CSTPP1: variants seen among roughly 807,000 people sequenced by gnomAD.
The protein encoded by CSTPP1 is UPF0705 protein C11orf49.
At chr11:46,973,780 A>ATGTGTG in the CSTPP1 span, among the ~76,000 whole-genome samples, 75,046 of 150,580 alleles carry the variant, frequency 0.5, 22,348 homozygotes, top group Non-Finnish European at 0.66. Context: ...TGGAGGGTGT[A>ATGTGTG]TGTGTGTGTG....
chr11:47,129,229 C>T, the CSTPP1 span, among the ~76,000 whole-genome samples: 328 of 152,284 alleles, frequency 2.2e-3, no homozygotes, highest in African/African-American at 7.6e-3. Context: ...GTGGTAACAC[C>T]TGGTGGAGCT....
At chr11:47,113,903 T>C in the CSTPP1 span, among the ~76,000 whole-genome samples, 57 of 152,258 alleles carry the variant, frequency 3.7e-4, no homozygotes, top group African/African-American at 1.4e-3. Context: ...TTTGGTGTTT[T>C]AGTCATGAAG....
At chr11:47,006,240 A>C in the CSTPP1 span, among the ~76,000 whole-genome samples, 1 of 152,332 alleles carries the variant, frequency 6.6e-6, no homozygotes, top group African/African-American at 2.4e-5. Context: ...TCATTTTTGA[A>C]GGGCAGTTTT....
chr11:47,008,993 T>C, the CSTPP1 span, among the ~76,000 whole-genome samples: 1 of 151,342 alleles, frequency 6.6e-6, no homozygotes, highest in African/African-American at 2.4e-5. Flanking sequence ...ATCACACCAC[T>C]GCACTCCAGC....
the CSTPP1 span, among the ~76,000 whole-genome samples, chr11:47,097,062 C>A: frequency 4.0e-5 from 6 of 148,302 alleles, no homozygotes; most frequent in South Asian, 2.2e-4. Flanking sequence ...GGGGGTCAGC[C>A]CCCCCACCCG....
chr11:47,132,890 C>G, the CSTPP1 span, among the ~76,000 whole-genome samples: 1 of 152,202 alleles, frequency 6.6e-6, no homozygotes, highest in African/African-American at 2.4e-5. Context: ...TAGCTGTTTC[C>G]TTGAGAAAAT....
the CSTPP1 span, among the ~76,000 whole-genome samples, chr11:47,152,662 G>C: frequency 3.3e-5 from 5 of 152,216 alleles, no homozygotes; most frequent in Non-Finnish European, 7.3e-5. Context: ...GCGCTACTTT[G>C]TGAATATACT....
chr11:46,981,885 G>A, the CSTPP1 span, among the ~76,000 whole-genome samples: 40 of 151,940 alleles, frequency 2.6e-4, no homozygotes, highest in Non-Finnish European at 4.7e-4. Flanking sequence ...AGATGGTCTC[G>A]TATGGATGAC....
the CSTPP1 span, among the ~76,000 whole-genome samples, chr11:47,121,525 A>G: frequency 6.6e-6 from 1 of 152,240 alleles, no homozygotes; most frequent in Non-Finnish European, 1.5e-5. Flanking sequence ...TGACTTCACA[A>G]CTTAAAAGAG....
At chr11:46,956,427 T>C in the CSTPP1 span, among the ~76,000 whole-genome samples, 1 of 152,222 alleles carries the variant, frequency 6.6e-6, no homozygotes, top group Non-Finnish European at 1.5e-5. Context: ...CAATACATTA[T>C]ATTTACACAA....
At chr11:46,999,815 A>G in the CSTPP1 span, among the ~76,000 whole-genome samples, 1 of 152,176 alleles carries the variant, frequency 6.6e-6, no homozygotes, top group Non-Finnish European at 1.5e-5. Context: ...TTGAAATTGT[A>G]TTTGGAAGGC....
chr11:47,056,417 A>G, the CSTPP1 span, among the ~76,000 whole-genome samples: 2 of 152,234 alleles, frequency 1.3e-5, no homozygotes, highest in East Asian at 1.9e-4. Flanking sequence ...TGTATTTACT[A>G]TCACGAGGGA....
At chr11:46,962,785 T>C in the CSTPP1 span, among the ~76,000 whole-genome samples, 50 of 152,114 alleles carry the variant, frequency 3.3e-4, no homozygotes, top group Non-Finnish European at 4.0e-4. Context: ...AAACCCCATC[T>C]CTACTAAAAA....
At chr11:47,027,930 T>TC in the CSTPP1 span, among the ~76,000 whole-genome samples, 3 of 149,278 alleles carry the variant, frequency 2.0e-5, no homozygotes, top group African/African-American at 7.4e-5. Context: ...TTTTTTTCTT[T>TC]TTTTTTTTTT....
chr11:46,983,644 TA>T, the CSTPP1 span, among the ~76,000 whole-genome samples: 6 of 151,894 alleles, frequency 4.0e-5, no homozygotes, highest in African/African-American at 7.3e-5. Flanking sequence ...TCCTTTGCAT[TA>T]AAAAAAATGT....
At chr11:46,976,722 C>T in the CSTPP1 span, among the ~76,000 whole-genome samples, 47 of 150,670 alleles carry the variant, frequency 3.1e-4, no homozygotes, top group Middle Eastern at 0.014. Flanking sequence ...TTATTGTATG[C>T]AGTCATCCAT....
At chr11:46,992,889 T>C in the CSTPP1 span, among the ~76,000 whole-genome samples, 1 of 152,290 alleles carries the variant, frequency 6.6e-6, no homozygotes, top group South Asian at 2.1e-4. Context: ...CCACATCCTC[T>C]CCAGCACCTG....
At chr11:47,100,495 C>G in the CSTPP1 span, among the ~76,000 whole-genome samples, 1 of 152,120 alleles carries the variant, frequency 6.6e-6, no homozygotes, top group African/African-American at 2.4e-5. Context: ...AATTTGTTAG[C>G]AATAATGTTA....
chr11:46,948,078 G>A, the CSTPP1 span: 24 of 456,116 alleles, frequency 5.3e-5, no homozygotes, highest in South Asian at 1.9e-4. Context: ...AAGGCCACAC[G>A]TCTTCGGCTT....
Sources: allele counts gnomAD v4.1 joint callset (sites outside exome capture counted in the v4.1 genomes callset), GRCh38; gene constraint gnomAD v4.1.1; transcripts MANE v1.5; gene names NCBI Gene and HGNC (gene_info 2026-07-23, HGNC 2026-07-21).